SMOC1: variants seen among roughly 807,000 people sequenced by gnomAD.
The protein encoded by SMOC1 is SPARC related modular calcium binding 1, also known as SPARC-related modular calcium-binding protein 1.
Under a neutral mutation model 56.3 loss-of-function variants are expected in SMOC1, and 22 were observed. The observed-to-expected ratio is 0.39, with a 90% CI of 0.28 to 0.56. The LOEUF (loss-of-function observed/expected upper bound fraction) is 0.56, where lower values mean the gene tolerates loss of function less well. Ranked by LOEUF, SMOC1 falls within the 20% of genes least tolerant of loss-of-function variation. The pLI is 0.61. For synonymous variants in SMOC1, 193 were observed against 215.0 expected (o/e 0.90, Z 0.89); for missense variants, 509 against 565.4 (o/e 0.90, Z 1.01).
chr14:69,994,162 G>C, intron 6 of SMOC1: 1 of 583,796 alleles, frequency 1.7e-6, no homozygotes, highest in Non-Finnish European at 3.1e-6. Flanking sequence ...CAGTGCCTCT[G>C]CATTCTGACC....
intron 1 of SMOC1, among the ~76,000 whole-genome samples, chr14:69,916,992 T>C (rs1240252068): frequency 6.6e-6 from 1 of 152,244 alleles, no homozygotes; most frequent in Non-Finnish European, 1.5e-5. Flanking sequence ...AGACTGACCA[T>C]GCATTATAAT....
intron 3 of SMOC1, among the ~76,000 whole-genome samples, chr14:69,970,849 A>C (rs1172553832): frequency 6.6e-6 from 1 of 152,208 alleles, no homozygotes; most frequent in Non-Finnish European, 1.5e-5. Context: ...GAAGATTAGC[A>C]GGATTAAAAT....
At chr14:69,963,070 A>G (rs1029727051) in intron 3 of SMOC1, among the ~76,000 whole-genome samples, 1 of 152,132 alleles carries the variant, frequency 6.6e-6, no homozygotes, top group African/African-American at 2.4e-5. Context: ...TCCTTAATCT[A>G]TATGTCTAGT....
chr14:69,885,256 C>T lies in SMOC1; in HGVS notation c.99+5479C>T, dbSNP rs188722425. Reference sequence around the variant, plus strand: ...GCTTAGGAACGATTACTCTCTCCTTCGAACAACTTCTTTTTTTTTTTTTTT... The same window carrying T: ...GCTTAGGAACGATTACTCTCTCCTTTGAACAACTTCTTTTTTTTTTTTTTT... On this transcript the variant is annotated intron_variant, in intron 1 of 11. Transcript: ENST00000361956. 5.4e-3 allele frequency: 4,645 copies of T among 864,350 alleles called. 243 individuals carry two copies. In the South Asian group the frequency reaches 0.083, roughly 15 times the overall value. The allele number at this position is 864,350 out of a possible 1,614,324, so 53.5% of individuals were successfully genotyped here.
chr14:69,988,109 T>G (rs1884432772), intron 5 of SMOC1, among the ~76,000 whole-genome samples: 1 of 152,186 alleles, frequency 6.6e-6, no homozygotes. Flanking sequence ...TGAGAATAGA[T>G]GAGGAAAGCT....
chr14:69,915,447 G>C (rs1884662473), intron 1 of SMOC1, among the ~76,000 whole-genome samples: 1 of 152,154 alleles, frequency 6.6e-6, no homozygotes, highest in African/African-American at 2.4e-5. Context: ...CCTGTCTTCT[G>C]TGTTACTATC....
In SMOC1 at chr14:69,920,800, AGGTAT is replaced by A. The variant is rs1884819536; in HGVS notation, c.100-31334_100-31330del. Among the ~76,000 whole-genome samples the A allele has an allele frequency of 5.3e-5, 8 of 152,174 alleles. No homozygotes were observed. In the South Asian group the frequency reaches 1.7e-3, roughly 32 times the overall value. On this transcript the variant is annotated intron_variant, in intron 1 of 11. Transcript: ENST00000361956. ...GGCTGGCTTGAGGATTCCATGCCTG[AGGTAT>A]GGTCTGGAGGAAGAGGACTTGCCCA...
intron 7 of SMOC1, among the ~76,000 whole-genome samples, chr14:70,009,114 A>G (rs1350554438): frequency 2.0e-5 from 3 of 152,172 alleles, no homozygotes; most frequent in Non-Finnish European, 4.4e-5. Flanking sequence ...TAGCTTTTCT[A>G]TATTTGCATT....
chr14:69,901,154 G>A (rs1884232082), intron 1 of SMOC1, among the ~76,000 whole-genome samples: 1 of 152,230 alleles, frequency 6.6e-6, no homozygotes, highest in Non-Finnish European at 1.5e-5. Context: ...CTCAGGAGAT[G>A]TCCAGGAAGA....
At chr14:69,944,780 A>G (rs1030493076) in intron 1 of SMOC1, among the ~76,000 whole-genome samples, 9 of 152,180 alleles carry the variant, frequency 5.9e-5, no homozygotes, top group Admixed American at 5.9e-4. Context: ...GATGGTGGAA[A>G]GGCTTCCTGG....
rs904869853 is a variant in SMOC1, at chr14:69,969,189, A to G, written c.379-6526A>G. 3.3e-5 allele frequency among the ~76,000 whole-genome samples: 5 copies of G among 152,224 alleles called. No individual in the cohort carries two copies. In the East Asian group the frequency reaches 7.7e-4, roughly 23 times the overall value. ...TCCCTTGACCCCAAGCACATTTCAG[A>G]GAACACTTGTCCTGTCCAATGCTCC... On this transcript the variant is annotated intron_variant, in intron 3 of 11. Coordinates refer to ENST00000361956, the MANE Select transcript of SMOC1 (RefSeq NM_001034852.3).
intron 10 of SMOC1, among the ~76,000 whole-genome samples, chr14:70,018,586 A>G (rs1885601953): frequency 6.6e-6 from 1 of 152,216 alleles, no homozygotes; most frequent in Non-Finnish European, 1.5e-5. Context: ...GTTCCCCCTT[A>G]GAACAGCCTT....
intron 1 of SMOC1, among the ~76,000 whole-genome samples, chr14:69,906,272 G>T (rs773848578): frequency 6.6e-6 from 1 of 152,192 alleles, no homozygotes; most frequent in Non-Finnish European, 1.5e-5. Context: ...GGTAATAAAA[G>T]AAGATACAGC....
chr14:70,018,292 G>A (rs1885591212), intron 10 of SMOC1, among the ~76,000 whole-genome samples: 1 of 152,162 alleles, frequency 6.6e-6, no homozygotes, highest in African/African-American at 2.4e-5. Flanking sequence ...ATTTGCTGAA[G>A]CTTTTGTAAA....
intron 5 of SMOC1, among the ~76,000 whole-genome samples, chr14:69,984,793 G>A (rs1434503850): frequency 1.3e-5 from 2 of 151,966 alleles, no homozygotes; most frequent in Admixed American, 6.5e-5. Context: ...GGAGGTGGAG[G>A]TTGCAGTGAG....
rs34300667 is a variant in SMOC1, at chr14:69,883,889, A to ATTTTTTTTT, written c.99+4132_99+4140dup. ...TCCCTGATGATTAGTGATGTTGAGC[A>ATTTTTTTTT]TTTTTTTTTTTTTTTTTTTTTTTTT... On this transcript the variant is annotated intron_variant, in intron 1 of 11. Coordinates refer to ENST00000361956, the MANE Select transcript of SMOC1 (RefSeq NM_001034852.3). 6.3e-4 allele frequency among the ~76,000 whole-genome samples: 42 copies of ATTTTTTTTT among 66,642 alleles called. 9 individuals are homozygous for ATTTTTTTTT. The highest frequency in any genetic ancestry group is 2.0e-3 in the African/African-American group (28 of 14,332). 43.7% of individuals were successfully genotyped at this position (66,642 alleles called of 152,430 possible). A position where few individuals can be genotyped will look rare whatever the true frequency, so the allele number is the denominator to read the frequency against.
At chr14:69,963,556 G>T (rs1277060433) in intron 3 of SMOC1, among the ~76,000 whole-genome samples, 1 of 152,120 alleles carries the variant, frequency 6.6e-6, no homozygotes, top group South Asian at 2.1e-4. Context: ...GTGTGCTTGT[G>T]CTGGTCCCTC....
rs1886099799 is a variant in SMOC1 at position 70,030,363 on chromosome 14, A to G, written c.*105A>G. ...ATGGCCCTGCCACATCCCGTGTAAC[A>G]TAAGTGGTGCCCACCATGTTTGCAC... On this transcript the variant is annotated 3_prime_UTR_variant, in exon 12 of 12. Transcript: ENST00000361956. The G allele has an allele frequency of 2.8e-6, 4 of 1,424,294 alleles. No homozygotes were observed. Among genetic ancestry groups the G allele is most frequent in the Non-Finnish European group, 2.9e-6 (3 of 1,028,360 alleles). The allele number at this position is 1,424,294 out of a possible 1,614,324, so 88.2% of individuals were successfully genotyped here. A position where few individuals can be genotyped will look rare whatever the true frequency, so the allele number is the denominator to read the frequency against.
chr14:69,987,004 C>A (rs1171745496), intron 5 of SMOC1, among the ~76,000 whole-genome samples: 1 of 152,212 alleles, frequency 6.6e-6, no homozygotes, highest in African/African-American at 2.4e-5. Context: ...GCATTCCATC[C>A]TCCTCTGGGT....
Sources: allele counts gnomAD v4.1 joint callset (sites outside exome capture counted in the v4.1 genomes callset), GRCh38; gene constraint gnomAD v4.1.1; transcripts MANE v1.5; gene names NCBI Gene and HGNC (gene_info 2026-07-23, HGNC 2026-07-21).